Variants in PCDHGA2 observed in about 807,000 individuals in gnomAD.
PCDHGA2 encodes the protein protocadherin gamma-A2.
A neutral mutation model predicts 59.2 loss-of-function variants in PCDHGA2; 40 were observed. That is an observed-to-expected ratio of 0.68 (90% CI 0.52 to 0.88). The LOEUF (loss-of-function observed/expected upper bound fraction) is 0.88. Among genes scored for constraint, PCDHGA2 ranks in the 40% least tolerant of loss-of-function variants. The pLI is 0.00. For missense variants in PCDHGA2, 1,226 were observed against 1,204.0 expected, an observed-to-expected ratio of 1.02 and a Z score of -0.27; for synonymous variants, 560 against 526.0, an observed-to-expected ratio of 1.06 and a Z score of -0.89.
intron 1 of PCDHGA2, chr5:141,468,330 C>CAAAAAA (rs533390277): frequency 1.3e-5 from 1 of 79,878 alleles, no homozygotes. Context: ...AACTCCATCT[C>CAAAAAA]AAAAAAAAAA....
intron 1 of PCDHGA2, chr5:141,375,886 C>A: frequency 1.2e-6 from 2 of 1,613,822 alleles, no homozygotes; most frequent in South Asian, 2.2e-5. Flanking sequence ...CGGGCCAGAA[C>A]GCCTGGCTGT....
At chr5:141,434,323 T>G (rs578049856) in intron 1 of PCDHGA2, among the ~76,000 whole-genome samples, 1 of 152,358 alleles carries the variant, frequency 6.6e-6, no homozygotes, top group South Asian at 2.1e-4. Flanking sequence ...CTCTTGCTGC[T>G]TGTCTCTTTG....
At chr5:141,351,539 G>A in intron 1 of PCDHGA2, 2 of 1,614,024 alleles carry the variant, frequency 1.2e-6, no homozygotes, top group Middle Eastern at 1.6e-4. Flanking sequence ...GGGCAAACCA[G>A]CCCTTTCCTC....
chr5:141,385,052 G>A (rs559398944), intron 1 of PCDHGA2: 3 of 1,614,152 alleles, frequency 1.9e-6, no homozygotes, highest in Non-Finnish European at 8.5e-7. Context: ...AGGCTGCGGC[G>A]CTGGCACAAG....
intron 1 of PCDHGA2, chr5:141,410,392 T>C: frequency 6.2e-7 from 1 of 1,614,050 alleles, no homozygotes; most frequent in African/African-American, 1.3e-5. Flanking sequence ...TCCATCCTGG[T>C]CTCTGTGTCA....
intron 1 of PCDHGA2, chr5:141,393,114 C>T (rs750579370): frequency 1.9e-6 from 3 of 1,613,418 alleles, no homozygotes; most frequent in Non-Finnish European, 8.5e-7. Context: ...TCAGAGCCCG[C>T]GGTGTCTGAT....
At chr5:141,447,649 T>C (rs909020761) in intron 1 of PCDHGA2, among the ~76,000 whole-genome samples, 1 of 152,206 alleles carries the variant, frequency 6.6e-6, no homozygotes, top group Non-Finnish European at 1.5e-5. Context: ...TGGTAGAATT[T>C]TCCCCCCCAG....
At chr5:141,389,367 G>A (rs1402654392) in intron 1 of PCDHGA2, 4 of 1,613,806 alleles carry the variant, frequency 2.5e-6, no homozygotes, top group South Asian at 1.1e-5. Context: ...CAGTGACCTG[G>A]AGCAGCGGGA....
chr5:141,414,785 C>A, intron 1 of PCDHGA2: 1 of 1,614,232 alleles, frequency 6.2e-7, no homozygotes, highest in Non-Finnish European at 8.5e-7. Context: ...ATGCAGGTGA[C>A]AGCCAGCGAC....
At chr5:141,408,608 A>C in intron 1 of PCDHGA2, 1 of 1,614,072 alleles carries the variant, frequency 6.2e-7, no homozygotes, top group South Asian at 1.1e-5. Context: ...ATTTGATAAA[A>C]AGGAAATACA....
intron 1 of PCDHGA2, chr5:141,419,098 G>A (rs993605209): frequency 8.7e-6 from 14 of 1,613,812 alleles, no homozygotes; most frequent in African/African-American, 2.7e-5. Context: ...TGGATCGGGA[G>A]CAGACCCCAG....
chr5:141,398,889 C>A (rs1300521650), intron 1 of PCDHGA2: 2 of 1,613,958 alleles, frequency 1.2e-6, no homozygotes, highest in Non-Finnish European at 1.7e-6. Context: ...TTCGGGAAAA[C>A]GTGCCACCAG....
chr5:141,402,785 CG>C, intron 1 of PCDHGA2: 1 of 904,572 alleles, frequency 1.1e-6, no homozygotes, highest in South Asian at 2.1e-5. Context: ...TCCAGTTCTG[CG>C]GCTACACAAA....
chr5:141,341,085 T>C lies in PCDHGA2; in HGVS notation c.2114T>C (p.Leu705Pro). The C allele has an allele frequency of 6.2e-7, 1 of 1,614,232 alleles. No individual in the cohort carries two copies. The highest frequency in any genetic ancestry group is 8.5e-7 in the Non-Finnish European group (1 of 1,180,046). Residue 705 changes from leucine to proline, a missense_variant, in exon 1 of 4, where the codon CTG becomes CCG. Physicochemically the swap from Leu to Pro is moderately conservative, Grantham distance 98. Transcript: ENST00000394576. ...GTGGCCGCGGTCTCCTGCGTCTTCCTGGCCTTCGTCATCGTGTTGCTGGCG... is the reference window on the plus strand; with the variant it reads ...GTGGCCGCGGTCTCCTGCGTCTTCCCGGCCTTCGTCATCGTGTTGCTGGCG... Reference protein sequence around the residue: ...VAVAAVSCVFLAFVIVLLAHR... With the variant: ...VAVAAVSCVFPAFVIVLLAHR...
chr5:141,453,870 C>A (rs932804656), intron 1 of PCDHGA2, among the ~76,000 whole-genome samples: 2 of 152,146 alleles, frequency 1.3e-5, no homozygotes, highest in African/African-American at 4.8e-5. Context: ...AACAGATGAG[C>A]AAAATAATGT....
At chr5:141,398,857 C>A in intron 1 of PCDHGA2, 2 of 1,613,918 alleles carry the variant, frequency 1.2e-6, no homozygotes, top group Middle Eastern at 1.6e-4. Flanking sequence ...GGTATTCAAC[C>A]GAGACGTGTA....
intron 1 of PCDHGA2, among the ~76,000 whole-genome samples, chr5:141,443,466 A>G (rs1402303157): frequency 6.6e-6 from 1 of 152,184 alleles, no homozygotes; most frequent in East Asian, 1.9e-4. Flanking sequence ...AGTCTGGGTG[A>G]CAGAATTAGA....
chr5:141,427,704 G>A (rs2097059746), intron 1 of PCDHGA2: 1 of 966,116 alleles, frequency 1.0e-6, no homozygotes, highest in Non-Finnish European at 1.6e-6. Flanking sequence ...ACAAGTCAGC[G>A]CCTCTGACCT....
In PCDHGA2 at chr5:141,381,098, G is replaced by A. The variant is rs114784627; in HGVS notation, c.2424+39703G>A. Reference sequence around the variant, plus strand: ...TTATTTTGATAGATCAAAACAGAATGTCCTTCAAAGTGTTCCCTGTATTCT... The same window carrying A: ...TTATTTTGATAGATCAAAACAGAATATCCTTCAAAGTGTTCCCTGTATTCT... On this transcript the variant is annotated intron_variant, in intron 1 of 3. Transcript: ENST00000394576. 2.4e-3 allele frequency among the ~76,000 whole-genome samples: 370 copies of A among 152,320 alleles called. 4 individuals carry two copies. Among genetic ancestry groups the A allele is most frequent in the African/African-American group, 8.6e-3 (357 of 41,576 alleles).
Sources: allele counts gnomAD v4.1 joint callset (sites outside exome capture counted in the v4.1 genomes callset), GRCh38; gene constraint gnomAD v4.1.1; transcripts MANE v1.5; gene names NCBI Gene and HGNC (gene_info 2026-07-23, HGNC 2026-07-21).